Variants in BTBD16 observed in about 807,000 individuals in gnomAD.
The protein encoded by BTBD16 is BTB/POZ domain-containing protein 16.
In BTBD16, 66 loss-of-function variants were observed where a neutral mutation model predicts 67.4. The ratio of observed to expected loss-of-function variants is 0.98; its 90% CI spans 0.80 to 1.20. BTBD16 has a LOEUF of 1.20. Ranked by LOEUF, BTBD16 falls within the 50% of genes most tolerant of loss-of-function variation. The pLI is 0.00. For synonymous variants in BTBD16, 242 were observed against 236.4 expected (o/e 1.02, Z -0.22); for missense variants, 634 against 616.0 (o/e 1.03, Z -0.31).
intron 10 of BTBD16, among the ~76,000 whole-genome samples, chr10:122,317,602 G>A (rs1464800304): frequency 3.3e-5 from 5 of 151,872 alleles, no homozygotes; most frequent in African/African-American, 9.7e-5. Flanking sequence ...AGCCGAGATC[G>A]CACCACTGAA....
chr10:122,273,188 A>G (rs777227388), intron 1 of BTBD16, among the ~76,000 whole-genome samples: 2 of 150,386 alleles, frequency 1.3e-5, no homozygotes, highest in South Asian at 2.1e-4. Flanking sequence ...CACTTGGAAG[A>G]CTATTTCATA....
intron 6 of BTBD16, 60 bp downstream of exon 6, chr10:122,290,058 T>A (rs1348692613): frequency 2.5e-6 from 3 of 1,189,320 alleles, no homozygotes; most frequent in Non-Finnish European, 3.7e-6. Context: ...CTCCCAGATT[T>A]AAAAATGCAC....
chr10:122,320,737 C>T (rs968928475), intron 10 of BTBD16, among the ~76,000 whole-genome samples: 2 of 152,018 alleles, frequency 1.3e-5, no homozygotes, highest in African/African-American at 4.8e-5. Flanking sequence ...AGAGAAAATG[C>T]TTTGTATGAT....
At chr10:122,299,767 G>C (rs2096390438) in intron 9 of BTBD16, among the ~76,000 whole-genome samples, 1 of 152,110 alleles carries the variant, frequency 6.6e-6, no homozygotes, top group African/African-American at 2.4e-5. Context: ...TCCATGGGTA[G>C]CAGCCCCAGC....
Position 122,327,986 on chromosome 10 carries a change from G to A in BTBD16, c.912-1494G>A, listed in dbSNP as rs565913644. On this transcript the variant is annotated intron_variant, in intron 10 of 15. Transcript: ENST00000260723. The stretch of plus-strand genomic sequence containing the variant: ...TTAGGGCAGCACCCGGCTGTGGAGC[G>A]CTGGCCATAGGTGCTGGCTTGTCCC... Among the ~76,000 whole-genome samples the A allele has an allele frequency of 3.3e-5, 5 of 152,342 alleles. No individual in the cohort carries two copies. In the East Asian group the frequency reaches 7.7e-4, roughly 24 times the overall value.
Position 122,314,145 on chromosome 10 carries a change from CAATTTGGGGA to C in BTBD16, c.911+6840_911+6849del, listed in dbSNP as rs564126990. On this transcript the variant is annotated intron_variant, in intron 10 of 15. Coordinates refer to ENST00000260723, the MANE Select transcript of BTBD16 (RefSeq NM_144587.5). ...CTGGGAAGACATTGAATATGTAGAT[CAATTTGGGGA>C]AAATTGACCTCTTTAGAATACTGAG... 2.6e-5 allele frequency among the ~76,000 whole-genome samples: 4 copies of C among 152,224 alleles called. No homozygotes were observed. The South Asian group carries it at 8.3e-4, about 32-fold the overall frequency.
intron 7 of BTBD16, among the ~76,000 whole-genome samples, chr10:122,292,152 A>T (rs2096375358): frequency 6.6e-6 from 1 of 152,238 alleles, no homozygotes; most frequent in Non-Finnish European, 1.5e-5. Flanking sequence ...GTCTGTGCTC[A>T]GTTCTACAAT....
At chr10:122,276,330 A>G (rs762091432) in intron 2 of BTBD16, among the ~76,000 whole-genome samples, 22 of 152,206 alleles carry the variant, frequency 1.4e-4, no homozygotes, top group Non-Finnish European at 2.2e-4. Context: ...TCTAAATGCC[A>G]CCAAATTGTA....
chr10:122,308,337 C>T (rs1393671705), intron 10 of BTBD16, among the ~76,000 whole-genome samples: 1 of 152,192 alleles, frequency 6.6e-6, no homozygotes, highest in African/African-American at 2.4e-5. Context: ...CCTGGAGTGG[C>T]AGGCACAGGG....
At chr10:122,280,372 G>A (rs574235858) in intron 3 of BTBD16, among the ~76,000 whole-genome samples, 14 of 152,166 alleles carry the variant, frequency 9.2e-5, no homozygotes, top group Admixed American at 5.9e-4. Flanking sequence ...GCCAGACTGG[G>A]GAGGGGGCAC....
intron 3 of BTBD16, among the ~76,000 whole-genome samples, chr10:122,280,849 A>T (rs10788272): frequency 0.45 from 69,143 of 152,006 alleles, 17,064 homozygotes; most frequent in East Asian, 0.89. Context: ...TTTGTTGTCC[A>T]GGCTGGAGTG....
chr10:122,297,731 T>C (rs1162416711), intron 7 of BTBD16, 37 bp from the exon 8 acceptor site: 3 of 1,611,188 alleles, frequency 1.9e-6, no homozygotes, highest in African/African-American at 1.3e-5. Flanking sequence ...AAAAGCAGTG[T>C]GGGGTTCCTC....
intron 1 of BTBD16, among the ~76,000 whole-genome samples, chr10:122,271,865 AGCTGAGT>A (rs1443723288): frequency 6.6e-6 from 1 of 152,204 alleles, no homozygotes; most frequent in Non-Finnish European, 1.5e-5. Context: ...AGCTTTGGGT[AGCTGAGT>A]GCAAACCCCA....
chr10:122,307,729 C>G (rs1278382882), intron 10 of BTBD16, among the ~76,000 whole-genome samples: 1 of 152,174 alleles, frequency 6.6e-6, no homozygotes, highest in Non-Finnish European at 1.5e-5. Flanking sequence ...CTGGTCCCCA[C>G]AGCCTCAGGA....
chr10:122,288,773 G>C (rs957326318), intron 5 of BTBD16, among the ~76,000 whole-genome samples: 10 of 152,190 alleles, frequency 6.6e-5, no homozygotes, highest in African/African-American at 2.4e-4. Context: ...CTCTCGGGGG[G>C]AGGGACATGT....
intron 7 of BTBD16, chr10:122,295,439 GTCTTGGT>G (rs2096381399): frequency 1.0e-6 from 1 of 985,348 alleles, no homozygotes; most frequent in African/African-American, 1.7e-5. Flanking sequence ...ACATGAGCAG[GTCTTGGT>G]TCAGTCAGCA....
At chr10:122,289,487 C>A (rs1174391969) in intron 5 of BTBD16, among the ~76,000 whole-genome samples, 1 of 152,124 alleles carries the variant, frequency 6.6e-6, no homozygotes, top group African/African-American at 2.4e-5. Flanking sequence ...ATTTGTAATC[C>A]CAGCACTTTG....
intron 7 of BTBD16, among the ~76,000 whole-genome samples, chr10:122,294,318 A>G (rs1280993873): frequency 6.6e-6 from 1 of 152,242 alleles, no homozygotes. Context: ...CTCACAGGTT[A>G]TCTCAGCTGA....
rs186494239 is a variant in BTBD16 at position 122,288,795 on chromosome 10, C to T, written c.386-1114C>T. On this transcript the variant is annotated intron_variant, in intron 5 of 15. Coordinates refer to ENST00000260723, the MANE Select transcript of BTBD16 (RefSeq NM_144587.5). ...GGGGAGGGACATGTGAGAAGACCCC[C>T]GATGAGGAAGGGAGGGCGGAAGCCC... 1.0e-3 allele frequency among the ~76,000 whole-genome samples: 153 copies of T among 152,218 alleles called. 1 individual carries two copies. The highest frequency in any genetic ancestry group is 1.7e-3 in the South Asian group (8 of 4,816).
Sources: gnomAD v4.1 joint callset for allele counts (sites outside exome capture counted in the v4.1 genomes callset) on GRCh38, gnomAD v4.1.1 for gene constraint, MANE v1.5 for transcripts, NCBI Gene and HGNC (gene_info 2026-07-23, HGNC 2026-07-21) for gene names.